The following PPWD1 variants were observed in gnomAD, a reference collection of about 807,000 sequenced individuals.
PPWD1 encodes the protein peptidylprolyl isomerase domain and WD repeat containing 1, also known as peptidylprolyl isomerase domain and WD repeat-containing protein 1.
Under a neutral mutation model 68.8 loss-of-function variants are expected in PPWD1, and 43 were observed. That is an observed-to-expected ratio of 0.62 (90% CI 0.49 to 0.81). The LOEUF (loss-of-function observed/expected upper bound fraction) is 0.81. Ranked by LOEUF, PPWD1 falls within the 30% of genes least tolerant of loss-of-function variation. The pLI is 0.00. For missense variants in PPWD1, 672 were observed against 804.8 expected (o/e 0.83, Z 2.00); for synonymous variants, 232 against 258.7 (o/e 0.90, Z 0.99).
chr5:65,565,208 A>C (rs1752694273), intron 1 of PPWD1, among the ~76,000 whole-genome samples: 2 of 152,256 alleles, frequency 1.3e-5, no homozygotes, highest in African/African-American at 4.8e-5. Flanking sequence ...ACTGTAAACA[A>C]GTAAGAACCA....
Position 65,572,045 on chromosome 5 carries a change from A to G in PPWD1, c.728A>G (p.Lys243Arg). The G allele has an allele frequency of 6.2e-7, 1 of 1,614,064 alleles. No individual in the cohort carries two copies. Among genetic ancestry groups the G allele is most frequent in the South Asian group, 1.1e-5 (1 of 91,080 alleles). The change falls in exon 5 of 11, where the codon AAA becomes AGA. Residue 243 changes from lysine to arginine, a missense_variant. Around this residue, in one of 2 missense-constraint regions of PPWD1, gnomAD observed 484 missense variants for 646.2 expected, o/e 0.75. Coordinates refer to ENST00000261308, the MANE Select transcript of PPWD1 (RefSeq NM_015342.4). ...TACAAAGCAGTAGTGTCTTCTGACA[A>G]ATCTGGGATGATTGAATACTGGACT... is the stretch of plus-strand genomic sequence containing the variant. ...PVYKAVVSSD[K>R]SGMIEYWTGP...
rs1213505704 is a variant in PPWD1 at position 65,569,820 on chromosome 5, A to G, written c.401-58A>G. The G allele has an allele frequency of 1.5e-5, 23 of 1,562,794 alleles. No individual in the cohort carries two copies. In the South Asian group the frequency reaches 2.3e-4, roughly 15 times the overall value. ...TTTTTAAATTTTTTTTCTTTGAATC[A>G]TGCACACTTATTTTACTGTTATTTA... On this transcript the variant is annotated intron_variant, in intron 3 of 10. Coordinates refer to ENST00000261308, the MANE Select transcript of PPWD1 (RefSeq NM_015342.4).
rs573705705 is a variant in PPWD1, at chr5:65,574,448, CTTTTTTTTTTTTTT to C, written c.969+2175_969+2188del. Among the ~76,000 whole-genome samples the C allele has an allele frequency of 4.9e-4, 45 of 92,000 alleles. 1 individual carries two copies. The South Asian group carries it at 0.017, about 34-fold the overall frequency. 60.4% of individuals were successfully genotyped at this position (92,000 alleles called of 152,430 possible). A position where few individuals can be genotyped will look rare whatever the true frequency, so the allele number is the denominator to read the frequency against. On this transcript the variant is annotated intron_variant, in intron 5 of 10. Coordinates refer to ENST00000261308, the MANE Select transcript of PPWD1 (RefSeq NM_015342.4). ...GAATCTAGTCTCTGGACACAAATCT[CTTTTTTTTTTTTTT>C]TTTTTTTTTTTTGAGACGGAGTCTC...
rs535868099 is a variant in PPWD1 at position 65,578,942 on chromosome 5, G to A, written c.1161-482G>A. 2.0e-5 allele frequency among the ~76,000 whole-genome samples: 3 copies of A among 151,638 alleles called. No individual in the cohort carries two copies. In the East Asian group the frequency reaches 5.8e-4, roughly 29 times the overall value. ...TGTTGTTGTTGTTTTTTATTGAGATGGAGTCTTGTTCTGTCACCCAGGCTG... is the reference window on the plus strand; with the variant it reads ...TGTTGTTGTTGTTTTTTATTGAGATAGAGTCTTGTTCTGTCACCCAGGCTG... On this transcript the variant is annotated intron_variant, in intron 6 of 10. Transcript: ENST00000261308.
At position 65,564,318 on chromosome 5, in the gene PPWD1, CT is replaced by C. The variant is rs550753414; in HGVS notation, c.196+836del. 8.1e-3 allele frequency among the ~76,000 whole-genome samples: 945 copies of C among 117,100 alleles called. 2 individuals are homozygous for C. Among genetic ancestry groups the C allele is most frequent in the African/African-American group, 0.029 (873 of 29,948 alleles). 76.8% of individuals were successfully genotyped at this position (117,100 alleles called of 152,430 possible). Reference sequence around the variant, plus strand: ...AATGATTTGTCATTATTTTCTCTCTCTTTTTTTTTTTTTTTTTTTTTTTTGA... The same window carrying C: ...AATGATTTGTCATTATTTTCTCTCTCTTTTTTTTTTTTTTTTTTTTTTTGA... On this transcript the variant is annotated intron_variant, in intron 1 of 10. Coordinates refer to ENST00000261308, the MANE Select transcript of PPWD1 (RefSeq NM_015342.4).
Position 65,563,996 on chromosome 5 carries a change from T to A in PPWD1, c.196+490T>A, listed in dbSNP as rs558318553. The stretch of plus-strand genomic sequence containing the variant: ...ACACTTCCACTAATAAATTTTCGCA[T>A]CTAGGGAAAATGACGTAAGCTTCCT... On this transcript the variant is annotated intron_variant, in intron 1 of 10. Coordinates refer to ENST00000261308, the MANE Select transcript of PPWD1 (RefSeq NM_015342.4). The A allele has an allele frequency of 3.4e-5, 24 of 715,870 alleles. No homozygotes were observed. In the South Asian group the frequency reaches 3.8e-4, roughly 11 times the overall value. The allele number at this position is 715,870 out of a possible 1,614,324, so 44.3% of individuals were successfully genotyped here.
In PPWD1 at chr5:65,579,586, A is replaced by T; in HGVS notation, c.1323A>T (p.Thr441=). Reference sequence around the variant, plus strand: ...AAGCTGACCCAACAATAGTCTGTACATCATTCAAAAAGAATAGATTTTATA... The same window carrying T: ...AAGCTGACCCAACAATAGTCTGTACTTCATTCAAAAAGAATAGATTTTATA... ...NIQADPTIVC[T]SFKKNRFYMF... Residue 441 remains threonine, a synonymous_variant, in exon 7 of 11, where the codon ACA becomes ACT. Coordinates refer to ENST00000261308, the MANE Select transcript of PPWD1 (RefSeq NM_015342.4). 6.3e-7 allele frequency: 1 copy of T among 1,582,502 alleles called. No individual in the cohort carries two copies. Among genetic ancestry groups the T allele is most frequent in the Non-Finnish European group, 8.6e-7 (1 of 1,168,532 alleles).
chr5:65,564,152 GA>G (rs1752526700), intron 1 of PPWD1, among the ~76,000 whole-genome samples: 1 of 151,472 alleles, frequency 6.6e-6, no homozygotes, highest in South Asian at 2.1e-4. Flanking sequence ...AAAGGGGTGG[GA>G]AAAGGGGTAG....
rs928827700 is a variant in PPWD1, at chr5:65,583,128, G to T, written c.1441G>T (p.Ala481Ser). ...EKPSKEEVMA[A>S]TQAEGPKRVS... Reference sequence around the variant, plus strand: ...ACCTTCTAAAGAAGAAGTCATGGCAGCTACTCAAGCTGAAGGACCTAAACG... The same window carrying T: ...ACCTTCTAAAGAAGAAGTCATGGCATCTACTCAAGCTGAAGGACCTAAACG... The change falls in exon 8 of 11, where the codon GCT (alanine) becomes TCT (serine). Residue 481 changes from alanine (A) to serine (S), a missense_variant. Around this residue, in one of 2 missense-constraint regions of PPWD1, gnomAD observed 484 missense variants for 646.2 expected, o/e 0.75. Transcript: ENST00000261308. 2 of 1,613,630 alleles carry T rather than the reference G, an allele frequency of 1.2e-6. No homozygotes were observed. Among genetic ancestry groups the T allele is most frequent in the East Asian group, 2.2e-5 (1 of 44,872 alleles).
intron 9 of PPWD1, among the ~76,000 whole-genome samples, chr5:65,585,366 A>G (rs1753791459): frequency 6.6e-6 from 1 of 152,182 alleles, no homozygotes; most frequent in Non-Finnish European, 1.5e-5. Context: ...TCATGCTGAG[A>G]TTACATCAGT....
intron 5 of PPWD1, 74 bp from the exon 6 acceptor site, chr5:65,576,805 T>G: frequency 7.9e-6 from 12 of 1,512,672 alleles, no homozygotes; most frequent in Non-Finnish European, 1.1e-5. Context: ...TCATTGCATA[T>G]ATAGATAGAT....
chr5:65,574,865 A>C (rs367659519), intron 5 of PPWD1, among the ~76,000 whole-genome samples: 1 of 152,262 alleles, frequency 6.6e-6, no homozygotes, highest in African/African-American at 2.4e-5. Context: ...AGGTGACAAG[A>C]AGTCAGTAGT....
At chr5:65,576,247 C>A in intron 5 of PPWD1, 1 of 857,542 alleles carries the variant, frequency 1.2e-6, no homozygotes, top group Non-Finnish European at 1.4e-6. Context: ...TGTTATATTT[C>A]ATTGGAAAGT....
intron 1 of PPWD1, chr5:65,563,904 T>C (rs1581140717): frequency 7.2e-7 from 1 of 1,395,932 alleles, no homozygotes; most frequent in South Asian, 1.2e-5. Context: ...TGTATTAATG[T>C]GTTGGGGCGC....
At chr5:65,572,324 T>C in intron 5 of PPWD1, 38 bp downstream of exon 5, 3 of 1,510,882 alleles carry the variant, frequency 2.0e-6, no homozygotes, top group Non-Finnish European at 8.9e-7. Flanking sequence ...TTTACTTTTC[T>C]AAAAATGCTT....
intron 5 of PPWD1, among the ~76,000 whole-genome samples, chr5:65,573,515 G>T (rs1753121806): frequency 3.9e-4 from 6 of 15,392 alleles, no homozygotes; most frequent in South Asian, 2.6e-3. Context: ...TAGTACAGAT[G>T]GTTTTTTTTT....
chr5:65,566,177 C>T (rs560991062), intron 1 of PPWD1, among the ~76,000 whole-genome samples: 24 of 152,254 alleles, frequency 1.6e-4, no homozygotes, highest in African/African-American at 5.8e-4. Flanking sequence ...TATCTACATA[C>T]TACAGAAAAA....
intron 8 of PPWD1, among the ~76,000 whole-genome samples, chr5:65,584,766 C>T (rs933188413): frequency 6.6e-6 from 1 of 151,886 alleles, no homozygotes. Flanking sequence ...AATTTTAATA[C>T]TGTCAAACTC....
intron 8 of PPWD1, among the ~76,000 whole-genome samples, chr5:65,584,622 T>C (rs2150609458): frequency 6.6e-6 from 1 of 152,244 alleles, no homozygotes; most frequent in East Asian, 1.9e-4. Context: ...TTTAGGAGGC[T>C]GAGGCAGGAG....
Sources: allele counts gnomAD v4.1 joint callset (sites outside exome capture counted in the v4.1 genomes callset), GRCh38; gene constraint gnomAD v4.1.1; regional missense constraint gnomAD v4.1.1; transcripts MANE v1.5; gene names NCBI Gene and HGNC (gene_info 2026-07-23, HGNC 2026-07-21).